Variants in TMEM114 observed in about 807,000 individuals in gnomAD.
TMEM114 encodes claudin-26.
Under a neutral mutation model 6.2 loss-of-function variants are expected in TMEM114, and 6 were observed. The ratio of observed to expected loss-of-function variants is 0.97; its 90% confidence interval spans 0.53 to 1.91. TMEM114 has a LOEUF of 1.91. TMEM114 is among the 40% of genes most tolerant of loss of function. The pLI, the probability that TMEM114 is intolerant of heterozygous loss-of-function variation, is 0.01. For missense variants in TMEM114, 218 were observed against 158.3 expected (o/e 1.38, Z -2.02); for synonymous variants, 104 against 73.0 (o/e 1.42, Z -2.16).
At chr16:8,588,951 T>G (rs1041249088) in intron 2 of TMEM114, among the ~76,000 whole-genome samples, 15 of 152,304 alleles carry the variant, frequency 9.8e-5, no homozygotes, top group African/African-American at 3.4e-4. Context: ...ATGGCCTGTG[T>G]CTTAACCATC....
downstream of TMEM114, among the ~76,000 whole-genome samples, chr16:8,565,053 GTGAGTGAGTGAA>G (rs1901491743): frequency 6.7e-6 from 1 of 149,580 alleles, no homozygotes; most frequent in African/African-American, 2.5e-5. Context: ...GAATGAGTGA[GTGAGTGAGTGAA>G]TGAGTGAGTG....
At chr16:8,531,729 T>G in the TMEM114 span, among the ~76,000 whole-genome samples, 1 of 152,246 alleles carries the variant, frequency 6.6e-6, no homozygotes, top group Admixed American at 6.5e-5. Flanking sequence ...GGACACTCAG[T>G]TGAATAGTCT....
At chr16:8,569,333 C>T (rs1901642532), downstream of TMEM114, among the ~76,000 whole-genome samples, 1 of 152,130 alleles carries the variant, frequency 6.6e-6, no homozygotes, top group Non-Finnish European at 1.5e-5. Flanking sequence ...GCAAAAGGAA[C>T]TCCAGGCCAG....
downstream of TMEM114, among the ~76,000 whole-genome samples, chr16:8,567,187 G>A (rs1596483014): frequency 6.6e-6 from 1 of 152,048 alleles, no homozygotes; most frequent in Non-Finnish European, 1.5e-5. Flanking sequence ...GGGATTACAG[G>A]CATGAGCCAT....
intron 2 of TMEM114, among the ~76,000 whole-genome samples, chr16:8,546,232 G>A (rs975689527): frequency 1.3e-5 from 2 of 152,196 alleles, no homozygotes; most frequent in Non-Finnish European, 2.9e-5. Flanking sequence ...CAGACTGATT[G>A]TGTATACTTT....
chr16:8,556,586 C>G (rs1211648860), intron 2 of TMEM114, among the ~76,000 whole-genome samples: 1 of 152,084 alleles, frequency 6.6e-6, no homozygotes, highest in Non-Finnish European at 1.5e-5. Context: ...ACTGCAACCT[C>G]CGCCTCCCGA....
At chr16:8,538,904 A>C (rs1900439503) in intron 2 of TMEM114, among the ~76,000 whole-genome samples, 1 of 152,186 alleles carries the variant, frequency 6.6e-6, no homozygotes, top group South Asian at 2.1e-4. Flanking sequence ...CTTATATTTA[A>C]ATTATATCAT....
Position 8,590,237 on chromosome 16 carries a change from C to G in TMEM114, c.-399G>C, listed in dbSNP as rs1041842374. On this transcript the variant is annotated 5_prime_UTR_variant, in exon 1 of 4. Coordinates refer to ENST00000620492, the MANE Select transcript of TMEM114 (RefSeq NM_001146336.2). ...TCCACCCTCGGCCCTCCACGCCCAG[C>G]CCAAGCGGACTCTCTCACTTCAAAA... 3 of 188,608 alleles carry G rather than the reference C, an allele frequency of 1.6e-5. No homozygotes were observed. Among genetic ancestry groups the G allele is most frequent in the African/African-American group, 7.0e-5 (3 of 42,836 alleles). 11.7% of individuals were successfully genotyped at this position (188,608 alleles called of 1,614,324 possible).
chr16:8,568,391 A>G (rs1375446891), downstream of TMEM114, among the ~76,000 whole-genome samples: 1 of 151,648 alleles, frequency 6.6e-6, no homozygotes, highest in Non-Finnish European at 1.5e-5. Context: ...AGCTATAATG[A>G]TGACAATGCT....
At chr16:8,562,079 A>AGTGC (rs1322968488) in intron 2 of TMEM114, among the ~76,000 whole-genome samples, 63 of 148,788 alleles carry the variant, frequency 4.2e-4, no homozygotes, top group African/African-American at 1.5e-3. Context: ...TGAGTGAGTG[A>AGTGC]ATGAATGAGT....
At chr16:8,547,187 G>C (rs1425566699) in intron 2 of TMEM114, among the ~76,000 whole-genome samples, 1 of 152,110 alleles carries the variant, frequency 6.6e-6, no homozygotes, top group African/African-American at 2.4e-5. Context: ...GCTGAAAGTT[G>C]TCATGATTTT....
chr16:8,555,294 G>C (rs550799952), intron 2 of TMEM114, among the ~76,000 whole-genome samples: 205 of 152,354 alleles, frequency 1.3e-3, no homozygotes, highest in African/African-American at 4.0e-3. Flanking sequence ...CTGTATTGAG[G>C]AGGTGGCAGG....
At chr16:8,578,141 G>A (rs907342209) in intron 2 of TMEM114, among the ~76,000 whole-genome samples, 1 of 151,300 alleles carries the variant, frequency 6.6e-6, no homozygotes. Flanking sequence ...CAGTGGCGGT[G>A]GGGGGGCCTT....
intron 2 of TMEM114, among the ~76,000 whole-genome samples, chr16:8,563,415 TAGTG>T (rs1901362741): frequency 9.5e-6 from 1 of 105,566 alleles, no homozygotes; most frequent in African/African-American, 3.9e-5. Context: ...GTGAGTTAAT[TAGTG>T]AGTGAATGAG....
intron 3 of TMEM114, among the ~76,000 whole-genome samples, chr16:8,570,969 G>C (rs1422906706): frequency 1.3e-5 from 2 of 152,216 alleles, no homozygotes; most frequent in Admixed American, 1.3e-4. Context: ...CTGGTTTCGA[G>C]AATTTGTCAC....
At chr16:8,572,711 C>T (rs968220291) in intron 2 of TMEM114, among the ~76,000 whole-genome samples, 1 of 152,218 alleles carries the variant, frequency 6.6e-6, no homozygotes, top group African/African-American at 2.4e-5. Flanking sequence ...GCTGGCATTA[C>T]AGGTGTGAGC....
chr16:8,577,226 A>C (rs2141691574), intron 2 of TMEM114, among the ~76,000 whole-genome samples: 1 of 152,322 alleles, frequency 6.6e-6, no homozygotes. Context: ...TACTCTGCAG[A>C]TCTAATTGGC....
chr16:8,529,941 G>A, the TMEM114 span, among the ~76,000 whole-genome samples: 1 of 152,164 alleles, frequency 6.6e-6, no homozygotes, highest in East Asian at 1.9e-4. Context: ...AATTCTCTAA[G>A]TGATGGAATG....
At chr16:8,553,689 G>T (rs1900915447) in intron 2 of TMEM114, among the ~76,000 whole-genome samples, 1 of 152,058 alleles carries the variant, frequency 6.6e-6, no homozygotes, top group African/African-American at 2.4e-5. Flanking sequence ...CACTGTGTTA[G>T]CCAGGATGGT....
Sources: allele counts gnomAD v4.1 joint callset (sites outside exome capture counted in the v4.1 genomes callset), GRCh38; gene constraint gnomAD v4.1.1; transcripts MANE v1.5; gene names NCBI Gene and HGNC (gene_info 2026-07-23, HGNC 2026-07-21).